KANSL1L: variants seen among roughly 807,000 people sequenced by gnomAD.
KANSL1L encodes the protein KAT8 regulatory NSL complex subunit 1-like protein.
A neutral mutation model predicts 108.6 loss-of-function variants in KANSL1L; 25 were observed. The ratio of observed to expected loss-of-function variants is 0.23; its 90% CI spans 0.17 to 0.32. The LOEUF is 0.32. KANSL1L is among the 10% of genes least tolerant of loss of function. KANSL1L has a pLI of 1.00. For missense variants in KANSL1L, 1,137 were observed against 1,125.7 expected, an observed-to-expected ratio of 1.01 and a Z score of -0.14; for synonymous variants, 405 against 395.1, an observed-to-expected ratio of 1.03 and a Z score of -0.30.
At chr2:210,119,218 C>T (rs1304319313) in intron 3 of KANSL1L, among the ~76,000 whole-genome samples, 1 of 151,754 alleles carries the variant, frequency 6.6e-6, no homozygotes, top group African/African-American at 2.4e-5. Context: ...AAAGAAAAGC[C>T]CAGGACCCAA....
In KANSL1L at chr2:210,104,245, C is replaced by A. The variant is rs200793082; in HGVS notation, c.1287G>T (p.Met429Ile). 2.5e-6 allele frequency: 4 copies of A among 1,613,860 alleles called. No individual in the cohort carries two copies. The East Asian group carries it at 8.9e-5, about 36-fold the overall frequency. The change falls in exon 4 of 15, where the codon ATG becomes ATT. Residue 429 changes from methionine to isoleucine, a missense_variant. Around this residue, in one of 3 missense-constraint regions of KANSL1L, gnomAD observed 556 missense variants for 537.7 expected, o/e 1.03. Coordinates refer to ENST00000281772, the MANE Select transcript of KANSL1L (RefSeq NM_152519.4). ...QLPKDILKKQ[M>I]QFADQAASLN... Reference sequence around the variant, plus strand: ...GTGAAGCTGCTTGGTCTGCAAATTGCATTTGTTTTTTCAAAATATCTTTTG... The same window carrying A: ...GTGAAGCTGCTTGGTCTGCAAATTGAATTTGTTTTTTCAAAATATCTTTTG...
At chr2:210,055,650 T>A (rs937559905) in intron 6 of KANSL1L, among the ~76,000 whole-genome samples, 1 of 152,034 alleles carries the variant, frequency 6.6e-6, no homozygotes, top group African/African-American at 2.4e-5. Flanking sequence ...GAGGAACTTG[T>A]TGACAACTGG....
chr2:210,102,882 G>A (rs1322933333), intron 4 of KANSL1L, among the ~76,000 whole-genome samples: 1 of 152,188 alleles, frequency 6.6e-6, no homozygotes, highest in Non-Finnish European at 1.5e-5. Context: ...CTATAAACTA[G>A]TTCAACCATT....
chr2:210,065,561 T>C (rs190230546), intron 6 of KANSL1L, among the ~76,000 whole-genome samples: 6 of 148,042 alleles, frequency 4.1e-5, no homozygotes, highest in East Asian at 4.1e-4. Flanking sequence ...TACCTCTCAA[T>C]TGAGGTGCCT....
intron 1 of KANSL1L, among the ~76,000 whole-genome samples, chr2:210,162,019 G>C (rs2095363774): frequency 6.7e-6 from 1 of 150,126 alleles, no homozygotes; most frequent in Non-Finnish European, 1.5e-5. Flanking sequence ...GAGCCCAGGA[G>C]TTTGAGACCA....
chr2:210,106,539 C>T (rs544832266), intron 3 of KANSL1L, among the ~76,000 whole-genome samples: 2 of 151,984 alleles, frequency 1.3e-5, no homozygotes, highest in South Asian at 2.1e-4. Flanking sequence ...GAGGGTGAGG[C>T]AGGTGGATCA....
At chr2:210,140,978 C>T (rs779907906) in intron 2 of KANSL1L, among the ~76,000 whole-genome samples, 13 of 151,958 alleles carry the variant, frequency 8.6e-5, no homozygotes, top group Non-Finnish European at 1.3e-4. Context: ...TATCCTGAAA[C>T]GCTAATTAAT....
intron 14 of KANSL1L, 48 bp downstream of exon 14, chr2:210,023,985 A>T: frequency 7.9e-7 from 1 of 1,266,492 alleles, no homozygotes; most frequent in Non-Finnish European, 1.1e-6. Flanking sequence ...ACAAACAAGT[A>T]GTTAAAAGTC....
At chr2:210,072,057 A>C (rs1449059156) in intron 6 of KANSL1L, among the ~76,000 whole-genome samples, 3 of 152,210 alleles carry the variant, frequency 2.0e-5, no homozygotes, top group African/African-American at 7.2e-5. Context: ...TATTTTGTCT[A>C]ATCTACCATC....
upstream of KANSL1L, among the ~76,000 whole-genome samples, chr2:210,172,485 T>C (rs1349291590): frequency 6.6e-6 from 1 of 152,252 alleles, no homozygotes; most frequent in African/African-American, 2.4e-5. Context: ...TAGCTACTCG[T>C]TCCTGGTTCT....
Position 210,023,127 on chromosome 2 carries a change from G to T in KANSL1L, c.2786C>A (p.Ala929Asp), listed in dbSNP as rs563402312. 1.9e-6 allele frequency: 3 copies of T among 1,613,782 alleles called. No individual in the cohort carries two copies. The highest frequency in any genetic ancestry group is 4.5e-5 in the East Asian group (2 of 44,864). ...AFPLKGEDMA[A>D]LLCQDEKKDQ... is the part of the protein sequence containing the mutation. ...CTTTTTTTCATCTTGACATAATAAG[G>T]CTGCCATGTCTTCACCCTTCAGTGG... Residue 929 changes from alanine to aspartate, a missense_variant, in exon 15 of 15, where the codon GCC becomes GAC. By Grantham distance (126) the Ala-to-Asp change is moderately radical. Coordinates refer to ENST00000281772, the MANE Select transcript of KANSL1L (RefSeq NM_152519.4).
Position 210,029,847 on chromosome 2 carries a change from C to A in KANSL1L, c.2227G>T (p.Val743Phe). The A allele has an allele frequency of 1.2e-6, 2 of 1,607,184 alleles. No homozygotes were observed. Among genetic ancestry groups the A allele is most frequent in the Middle Eastern group, 1.7e-4 (1 of 6,048 alleles). Reference protein sequence around the residue: ...ESGSHSNFTAVSNVNVLSRIQ... With the variant: ...ESGSHSNFTAFSNVNVLSRIQ... ...CTTGATAAAACGTTGACATTGGAAA[C>A]AGCAGTAAAATTGCTATGGGATCCT... The change falls in exon 10 of 15, where the codon GTT becomes TTT. Residue 743 changes from valine to phenylalanine, a missense_variant. Physicochemically the swap from Val to Phe is conservative, Grantham distance 50. Around this residue, in one of 3 missense-constraint regions of KANSL1L, gnomAD observed 575 missense variants for 567.1 expected, o/e 1.01. Coordinates refer to ENST00000281772, the MANE Select transcript of KANSL1L (RefSeq NM_152519.4).
At chr2:210,127,798 C>CAAAAAAAA (rs55979027) in intron 3 of KANSL1L, among the ~76,000 whole-genome samples, 5 of 28,128 alleles carry the variant, frequency 1.8e-4, no homozygotes, top group African/African-American at 3.9e-4. Context: ...GACTCTGCCT[C>CAAAAAAAA]AAAAAAAAAA....
chr2:210,168,052 T>G (rs1688092007), intron 1 of KANSL1L, among the ~76,000 whole-genome samples: 1 of 152,100 alleles, frequency 6.6e-6, no homozygotes, highest in African/African-American at 2.4e-5. Context: ...AATGTAAGAT[T>G]GTATTTATGA....
At chr2:210,158,640 T>C (rs1027536780) in intron 1 of KANSL1L, among the ~76,000 whole-genome samples, 10 of 151,838 alleles carry the variant, frequency 6.6e-5, no homozygotes, top group Middle Eastern at 3.2e-3. Flanking sequence ...GGACATATCA[T>C]AGCTCTTATT....
At chr2:210,095,322 CCT>C (rs2094726098) in intron 5 of KANSL1L, among the ~76,000 whole-genome samples, 1 of 151,896 alleles carries the variant, frequency 6.6e-6, no homozygotes, top group Admixed American at 6.6e-5. Context: ...ATCTTGACCC[CCT>C]CTCTCTACTT....
chr2:210,126,674 T>C (rs758224238), intron 3 of KANSL1L, among the ~76,000 whole-genome samples: 2 of 152,060 alleles, frequency 1.3e-5, no homozygotes, highest in Non-Finnish European at 2.9e-5. Flanking sequence ...AAATTTTAGC[T>C]GGGCTTGGTG....
chr2:210,027,314 A>G lies in KANSL1L; in HGVS notation c.2433T>C (p.Tyr811=), dbSNP rs1239766514. 2 of 1,612,038 alleles carry G rather than the reference A, an allele frequency of 1.2e-6. No homozygotes were observed. The highest frequency in any genetic ancestry group is 1.3e-5 in the African/African-American group (1 of 74,974). ...AGCTTACCTCTTCTTTGCCTAAATT[A>G]TATTCATCCAAAGGCTGAAGAACAA... ...RMVVLQPLDE[Y]NLGKEEIEDL... The change falls in exon 12 of 15, where the codon TAT becomes TAC. Residue 811 remains tyrosine, a synonymous_variant. Transcript: ENST00000281772.
intron 3 of KANSL1L, among the ~76,000 whole-genome samples, chr2:210,120,336 G>A (rs1436973428): frequency 1.3e-5 from 2 of 152,210 alleles, no homozygotes; most frequent in Non-Finnish European, 2.9e-5. Context: ...AGGTTGCAGT[G>A]AGCGGAGATC....
Sources: allele counts gnomAD v4.1 joint callset (sites outside exome capture counted in the v4.1 genomes callset), GRCh38; gene constraint gnomAD v4.1.1; regional missense constraint gnomAD v4.1.1; transcripts MANE v1.5; gene names NCBI Gene and HGNC (gene_info 2026-07-23, HGNC 2026-07-21).